LATS2: variants seen among roughly 807,000 people sequenced by gnomAD.
LATS2 encodes the protein large tumor suppressor kinase 2.
A neutral mutation model predicts 76.0 loss-of-function variants in LATS2; 24 were observed. The observed-to-expected ratio is 0.32, with a 90% CI of 0.23 to 0.44. The LOEUF is 0.44. LATS2 is among the 20% of genes least tolerant of loss of function. LATS2 has a pLI of 1.00. For missense variants in LATS2, 1,286 were observed against 1,481.2 expected (o/e 0.87, Z 2.16); for synonymous variants, 692 against 635.4 (o/e 1.09, Z -1.34).
intron 2 of LATS2, among the ~76,000 whole-genome samples, chr13:21,011,230 A>G (rs1393391665): frequency 6.6e-6 from 1 of 152,024 alleles, no homozygotes; most frequent in Non-Finnish European, 1.5e-5. Context: ...GCTTTTCCTC[A>G]CTTGTCCTGA....
At position 21,037,825 on chromosome 13, in the gene LATS2, C is replaced by T. The variant is rs1028130736; in HGVS notation, c.342+7860G>A. Among the ~76,000 whole-genome samples the T allele has an allele frequency of 1.1e-3, 167 of 151,994 alleles. 1 individual carries two copies. Among genetic ancestry groups the T allele is most frequent in the African/African-American group, 3.6e-3 (151 of 41,414 alleles). On this transcript the variant is annotated intron_variant, in intron 2 of 7. Coordinates refer to ENST00000382592, the MANE Select transcript of LATS2 (RefSeq NM_014572.3). ...AGGGCCAGGGTGGTCAGGACCAGGG[C>T]GGGTAGGGCCAGGGTGGGCCTGCCA...
intron 2 of LATS2, among the ~76,000 whole-genome samples, chr13:21,035,777 G>A (rs146387162): frequency 6.6e-4 from 100 of 152,326 alleles, no homozygotes; most frequent in African/African-American, 2.2e-3. Flanking sequence ...CTCCCAAAGG[G>A]CTGCAGGGAC....
At chr13:21,049,710 A>G (rs59193787) in intron 1 of LATS2, among the ~76,000 whole-genome samples, 1,969 of 152,318 alleles carry the variant, frequency 0.013, 40 homozygotes, top group African/African-American at 0.045. Context: ...TGTTAAAGCC[A>G]GGATGCAGGG....
At chr13:20,998,221 G>T (rs1265713937) in intron 2 of LATS2, among the ~76,000 whole-genome samples, 1 of 152,118 alleles carries the variant, frequency 6.6e-6, no homozygotes, top group Non-Finnish European at 1.5e-5. Context: ...GGGCATGGTG[G>T]TGGGTGCCTG....
At chr13:21,060,207 G>A (rs1210979204) in intron 1 of LATS2, among the ~76,000 whole-genome samples, 1 of 152,140 alleles carries the variant, frequency 6.6e-6, no homozygotes, top group South Asian at 2.1e-4. Flanking sequence ...TCACAAACGG[G>A]TTTGCTCCAG....
intron 7 of LATS2, among the ~76,000 whole-genome samples, chr13:20,978,831 G>A (rs1280292167): frequency 2.0e-5 from 3 of 151,444 alleles, no homozygotes; most frequent in African/African-American, 4.9e-5. Flanking sequence ...GTGTGATCTC[G>A]GCTCACTGCA....
intron 1 of LATS2, among the ~76,000 whole-genome samples, chr13:21,053,328 G>A (rs1273430180): frequency 6.6e-6 from 1 of 150,784 alleles, no homozygotes; most frequent in African/African-American, 2.4e-5. Context: ...TCCCACAGAA[G>A]GACCTTCCTG....
chr13:20,979,841 TC>T (rs1869789027), intron 6 of LATS2, 44 bp from the exon 7 acceptor site: 1 of 1,053,932 alleles, frequency 9.5e-7, no homozygotes, highest in South Asian at 1.4e-5. Context: ...GCATGAATTC[TC>T]CTCCGAGGTG....
intron 2 of LATS2, among the ~76,000 whole-genome samples, chr13:21,007,569 A>T: frequency 1.0e-4 from 2 of 19,268 alleles, no homozygotes; most frequent in African/African-American, 1.1e-3. Context: ...ATATATATAT[A>T]TATATATATA....
intron 7 of LATS2, 128 bp downstream of exon 7, chr13:20,979,563 T>C: frequency 2.3e-6 from 1 of 426,456 alleles, no homozygotes; most frequent in Admixed American, 4.3e-5. Flanking sequence ...TTTTTAAAAA[T>C]CCCATCCTAT....
chr13:21,022,462 T>C (rs1024961822), intron 2 of LATS2, among the ~76,000 whole-genome samples: 2 of 152,206 alleles, frequency 1.3e-5, no homozygotes, highest in Non-Finnish European at 2.9e-5. Flanking sequence ...ACTTTTGTAC[T>C]GCACGGTTAG....
At position 21,024,807 on chromosome 13, in the gene LATS2, T is replaced by C. The variant is rs116249862; in HGVS notation, c.342+20878A>G. Among the ~76,000 whole-genome samples, 748 of 152,286 alleles carry C rather than the reference T, an allele frequency of 4.9e-3. 7 individuals are homozygous for C. Among genetic ancestry groups the C allele is most frequent in the African/African-American group, 0.017 (721 of 41,550 alleles). Reference sequence around the variant, plus strand: ...AATACTGACATTTTATATTCTCTTTTTTGCACTATGTCTTCCAAATCGGGT... The same window carrying C: ...AATACTGACATTTTATATTCTCTTTCTTGCACTATGTCTTCCAAATCGGGT... On this transcript the variant is annotated intron_variant, in intron 2 of 7. Coordinates refer to ENST00000382592, the MANE Select transcript of LATS2 (RefSeq NM_014572.3).
intron 2 of LATS2, among the ~76,000 whole-genome samples, chr13:21,011,707 C>A (rs991493474): frequency 6.6e-6 from 1 of 152,124 alleles, no homozygotes; most frequent in African/African-American, 2.4e-5. Context: ...AACAGAGTTT[C>A]AAAAATGATA....
At chr13:20,978,572 T>C (rs1565940848) in intron 7 of LATS2, among the ~76,000 whole-genome samples, 1 of 152,172 alleles carries the variant, frequency 6.6e-6, no homozygotes, top group Non-Finnish European at 1.5e-5. Context: ...TTTCTTTAGA[T>C]ACAGTTGACC....
chr13:21,007,676 A>ATAGTGTG (rs1565952189), intron 2 of LATS2, among the ~76,000 whole-genome samples: 1 of 4,310 alleles, frequency 2.3e-4, no homozygotes, highest in Non-Finnish European at 4.0e-4. Flanking sequence ...GTGTATATAT[A>ATAGTGTG]TATATAGTAT....
intron 2 of LATS2, among the ~76,000 whole-genome samples, chr13:21,009,065 TTGCCCCCTTGTCC>T (rs1211222634): frequency 6.6e-6 from 1 of 152,216 alleles, no homozygotes. Context: ...CTTCACAGTC[TTGCCCCCTTGTCC>T]TGCCAGCGAT....
Position 20,988,227 on chromosome 13 carries a change from T to C in LATS2, c.1553A>G (p.Tyr518Cys), listed in dbSNP as rs991053671. 2 of 1,607,682 alleles carry C rather than the reference T, an allele frequency of 1.2e-6. No individual in the cohort carries two copies. The highest frequency in any genetic ancestry group is 1.7e-6 in the Non-Finnish European group (2 of 1,179,326). ...GPDRRCPPPP[Y>C]PKHLLLRSKS... Reference sequence around the variant, plus strand: ...GCTGCGCAGCAGCAGGTGCTTCGGGTAGGGCGGAGGCGGGCACCTCCGGTC... The same window carrying C: ...GCTGCGCAGCAGCAGGTGCTTCGGGCAGGGCGGAGGCGGGCACCTCCGGTC... The change falls in exon 4 of 8, where the codon TAC becomes TGC. Residue 518 changes from tyrosine (Y) to cysteine (C), a missense_variant. Around this residue, in one of 5 missense-constraint regions of LATS2, gnomAD observed 710 missense variants for 660.9 expected, o/e 1.07. Coordinates refer to ENST00000382592, the MANE Select transcript of LATS2 (RefSeq NM_014572.3).
chr13:21,052,397 C>T (rs1873301309), intron 1 of LATS2, among the ~76,000 whole-genome samples: 1 of 152,224 alleles, frequency 6.6e-6, no homozygotes, highest in Non-Finnish European at 1.5e-5. Flanking sequence ...GTCACCTAGA[C>T]TGGAGTGCAG....
At chr13:21,014,045 GGAGA>G (rs1163667050) in intron 2 of LATS2, among the ~76,000 whole-genome samples, 2 of 151,282 alleles carry the variant, frequency 1.3e-5, no homozygotes, top group Non-Finnish European at 2.9e-5. Context: ...GGAGGAAGAA[GGAGA>G]GAGAAACAAA....
Sources: gnomAD v4.1 joint callset for allele counts (sites outside exome capture counted in the v4.1 genomes callset) on GRCh38, gnomAD v4.1.1 for gene constraint, gnomAD v4.1.1 regional missense constraint, MANE v1.5 for transcripts, NCBI Gene and HGNC (gene_info 2026-07-23, HGNC 2026-07-21) for gene names.